The following AGBL4 variants were observed in gnomAD, a reference collection of about 807,000 sequenced individuals.
The protein encoded by AGBL4 is cytosolic carboxypeptidase 6.
AGBL4 carries 58 observed loss-of-function variants against 66.4 expected under a neutral mutation model. The ratio of observed to expected loss-of-function variants is 0.87; its 90% CI spans 0.71 to 1.09. AGBL4 has a LOEUF of 1.09. Among genes scored for constraint, AGBL4 ranks in the 50% least tolerant of loss-of-function variants. The pLI is 0.00. For synonymous variants in AGBL4, 234 were observed against 222.9 expected (o/e 1.05, Z -0.44); for missense variants, 579 against 631.0 (o/e 0.92, Z 0.88).
At chr1:49,990,246 GT>G (rs1200939023) in intron 1 of AGBL4, among the ~76,000 whole-genome samples, 1 of 152,124 alleles carries the variant, frequency 6.6e-6, no homozygotes, top group Non-Finnish European at 1.5e-5. Context: ...TAGGCTTTCT[GT>G]CCCCACCCAA....
chr1:49,100,378 C>A (rs571725980), intron 4 of AGBL4, among the ~76,000 whole-genome samples: 3 of 152,260 alleles, frequency 2.0e-5, no homozygotes, highest in African/African-American at 7.2e-5. Context: ...TGAAGCAATC[C>A]CTGAAGAGGC....
At chr1:49,714,593 T>TATATATATATATATATATATAC (rs1491300456) in intron 2 of AGBL4, among the ~76,000 whole-genome samples, 16 of 113,990 alleles carry the variant, frequency 1.4e-4, no homozygotes, top group African/African-American at 5.0e-4. Flanking sequence ...TATATATATA[T>TATATATATATATATATATATAC]ACACACACAC....
chr1:48,765,123 A>G (rs753527311), intron 6 of AGBL4, among the ~76,000 whole-genome samples: 4 of 152,066 alleles, frequency 2.6e-5, no homozygotes, highest in Non-Finnish European at 5.9e-5. Context: ...TACACATCCT[A>G]CCTACCTTCT....
intron 6 of AGBL4, among the ~76,000 whole-genome samples, chr1:48,806,310 G>C (rs947109658): frequency 5.3e-5 from 8 of 152,128 alleles, no homozygotes; most frequent in Admixed American, 1.3e-4. Flanking sequence ...TTCTCATCTG[G>C]TGTTCGAGGC....
intron 1 of AGBL4, among the ~76,000 whole-genome samples, chr1:49,948,416 TA>T (rs1273445444): frequency 1.6e-4 from 18 of 112,754 alleles, no homozygotes; most frequent in African/African-American, 5.6e-4. Context: ...TAAATATAGA[TA>T]AATATAGATA....
intron 3 of AGBL4, among the ~76,000 whole-genome samples, chr1:49,457,134 T>A (rs1386041921): frequency 2.0e-5 from 3 of 151,796 alleles, no homozygotes; most frequent in African/African-American, 7.2e-5. Context: ...CTTTTAGTTC[T>A]TTAAGGTCTT....
In AGBL4 at chr1:49,245,854, A is replaced by C. The variant is rs1651602459; in HGVS notation, c.293T>G (p.Phe98Cys). The change falls in exon 4 of 14, where the codon TTC becomes TGC. Residue 98 changes from phenylalanine (F) to cysteine (C), a missense_variant. Phe to Cys is a radical substitution (Grantham distance 205, BLOSUM62 -2). Coordinates refer to ENST00000371839, the MANE Select transcript of AGBL4 (RefSeq NM_032785.4). ...GGTTTTACTGAAGTTAACAATGTTG[A>C]AAATGACCCTCTGAAAAAGAAAGAG... ...ENVKESQRVI[F>C]NIVNFSKTKS... is the part of the protein sequence containing the mutation. The C allele has an allele frequency of 6.5e-7, 1 of 1,547,888 alleles. No homozygotes were observed. The highest frequency in any genetic ancestry group is 1.2e-5 in the South Asian group (1 of 83,904).
At chr1:49,658,260 C>G (rs1290110004) in intron 3 of AGBL4, among the ~76,000 whole-genome samples, 2 of 152,144 alleles carry the variant, frequency 1.3e-5, no homozygotes, top group African/African-American at 4.8e-5. Context: ...TGAAAAAATG[C>G]TCATCATCAC....
intron 4 of AGBL4, among the ~76,000 whole-genome samples, chr1:49,223,058 G>A (rs905001691): frequency 6.6e-6 from 1 of 152,102 alleles, no homozygotes; most frequent in South Asian, 2.1e-4. Context: ...ACATTTGGCT[G>A]CTATTGATCA....
chr1:48,944,520 C>G (rs1656291634), intron 5 of AGBL4, among the ~76,000 whole-genome samples: 1 of 152,134 alleles, frequency 6.6e-6, no homozygotes, highest in African/African-American at 2.4e-5. Flanking sequence ...GATGTGGAAA[C>G]TGAGGCCCAG....
At position 49,433,683 on chromosome 1, in the gene AGBL4, G is replaced by C. The variant is rs746568467; in HGVS notation, c.283-187819C>G. On this transcript the variant is annotated intron_variant, in intron 3 of 13. Coordinates refer to ENST00000371839, the MANE Select transcript of AGBL4 (RefSeq NM_032785.4). ...ATAATTTTAATGACAAAATAAGCCG[G>C]ATTTGAATCTTGATTCTACCTTTTT... Among the ~76,000 whole-genome samples the C allele has an allele frequency of 6.2e-4, 94 of 152,264 alleles. 1 individual carries two copies. Among genetic ancestry groups the C allele is most frequent in the Non-Finnish European group, 8.8e-5 (6 of 68,022 alleles).
At chr1:49,602,624 T>C (rs552388033) in intron 3 of AGBL4, among the ~76,000 whole-genome samples, 1 of 151,414 alleles carries the variant, frequency 6.6e-6, no homozygotes. Context: ...TTCTCACTCA[T>C]AGGTGGGAGC....
intron 5 of AGBL4, among the ~76,000 whole-genome samples, chr1:48,909,791 G>A (rs906291440): frequency 5.9e-5 from 9 of 152,314 alleles, no homozygotes; most frequent in East Asian, 5.8e-4. Context: ...ACAAGTTTCC[G>A]TCAATTTCTT....
chr1:49,634,240 T>C lies in AGBL4; in HGVS notation c.282+63073A>G, dbSNP rs190094729. Among the ~76,000 whole-genome samples the C allele has an allele frequency of 2.0e-3, 300 of 152,162 alleles. 3 individuals are homozygous for C. The East Asian group carries it at 0.031, about 16-fold the overall frequency. On this transcript the variant is annotated intron_variant, in intron 3 of 13. Transcript: ENST00000371839. ...GCCCCCCAACCCTGAGGGGCCCCAG[T>C]GTGTGATGTTCCCCTCCCTGTGTCC...
chr1:49,210,785 A>C (rs1648604795), intron 4 of AGBL4, among the ~76,000 whole-genome samples: 1 of 152,074 alleles, frequency 6.6e-6, no homozygotes, highest in Non-Finnish European at 1.5e-5. Context: ...GAGCCCTGAA[A>C]ATCTTCTAAA....
At chr1:49,080,930 A>G (rs1210024427) in intron 4 of AGBL4, among the ~76,000 whole-genome samples, 1 of 152,184 alleles carries the variant, frequency 6.6e-6, no homozygotes, top group African/African-American at 2.4e-5. Flanking sequence ...GCATTTATAT[A>G]TAGCCTTTTT....
At chr1:49,920,183 G>A (rs1252093754) in intron 1 of AGBL4, among the ~76,000 whole-genome samples, 2 of 152,114 alleles carry the variant, frequency 1.3e-5, no homozygotes, top group Non-Finnish European at 2.9e-5. Context: ...GCATGGGCAA[G>A]GACTTCATGT....
chr1:49,525,290 T>C (rs1650570774), intron 3 of AGBL4, among the ~76,000 whole-genome samples: 1 of 152,158 alleles, frequency 6.6e-6, no homozygotes, highest in Non-Finnish European at 1.5e-5. Context: ...AAAATAGTGA[T>C]ATAATAGGAT....
intron 3 of AGBL4, among the ~76,000 whole-genome samples, chr1:49,252,342 G>A (rs1652135484): frequency 6.6e-6 from 1 of 151,986 alleles, no homozygotes; most frequent in Non-Finnish European, 1.5e-5. Context: ...AAATAAGACA[G>A]GCGGACAAGA....
Sources: allele counts gnomAD v4.1 joint callset (sites outside exome capture counted in the v4.1 genomes callset), GRCh38; gene constraint gnomAD v4.1.1; transcripts MANE v1.5; gene names NCBI Gene and HGNC (gene_info 2026-07-23, HGNC 2026-07-21).